The following PYCR2 variants were observed in gnomAD, a reference collection of about 807,000 sequenced individuals.
The protein encoded by PYCR2 is pyrroline-5-carboxylate reductase 2.
A neutral mutation model predicts 23.4 loss-of-function variants in PYCR2; 17 were observed. The observed-to-expected ratio is 0.73, with a 90% CI of 0.50 to 1.09. PYCR2 has a LOEUF of 1.09. Among genes scored for constraint, PYCR2 ranks in the 50% least tolerant of loss-of-function variants. The pLI is 0.00. For missense variants in PYCR2, 380 were observed against 423.5 expected (o/e 0.90, Z 0.90); for synonymous variants, 172 against 176.6 (o/e 0.97, Z 0.21).
chr1:225,920,574 G>T lies in PYCR2; in HGVS notation c.844C>A (p.Leu282Ile). ...ADQEKISPAALKKTLLDRVKL... is the reference protein window; with the variant it reads ...ADQEKISPAAIKKTLLDRVKL... The stretch of plus-strand genomic sequence containing the variant: ...ACTCTGTCTAAGAGGGTCTTCTTAA[G>T]GGCAGCTGGGGAGATCTTTTCTTGG... The change falls in exon 7 of 7, where the codon CTT becomes ATT. Residue 282 changes from leucine to isoleucine, a missense_variant. Coordinates refer to ENST00000343818, the MANE Select transcript of PYCR2 (RefSeq NM_013328.4). The T allele has an allele frequency of 1.2e-6, 2 of 1,612,470 alleles. No individual in the cohort carries two copies. The highest frequency in any genetic ancestry group is 1.7e-6 in the Non-Finnish European group (2 of 1,178,560).
chr1:225,923,882 T>A, intron 1 of PYCR2, 111 bp from the exon 2 acceptor site: 1 of 1,522,464 alleles, frequency 6.6e-7, no homozygotes. Flanking sequence ...CCTCTCCCCC[T>A]CAACCCTCTA....
chr1:225,923,461 C>G, intron 2 of PYCR2: 1 of 1,378,652 alleles, frequency 7.3e-7, no homozygotes, highest in African/African-American at 1.5e-5. Flanking sequence ...CACATAATCA[C>G]CTCAGTTAAT....
In PYCR2 at chr1:225,921,562, TG is replaced by T. The variant is rs761867220; in HGVS notation, c.622del (p.Gln208ArgfsTer38). The stretch of plus-strand genomic sequence containing the variant: ...GGGAAAGATACTGACCAGCAAAGCC[TG>T]GGCCCCGAGTTGGATTGCCAGGCGC... ...PRRLAIQLGA[Q>X]ALLGAAKMLL... On this transcript the variant is annotated frameshift_variant, in exon 5 of 7. Transcript: ENST00000343818. LOFTEE classifies it high-confidence loss of function. This position sits in a 1 kb window ranked among gnomAD's most constrained non-coding sequence, Gnocchi z 4.2. The T allele has an allele frequency of 1.9e-6, 3 of 1,614,074 alleles. No homozygotes were observed. The African/African-American group carries it at 4.0e-5, about 22-fold the overall frequency.
In PYCR2 at chr1:225,920,257, G is replaced by C; in HGVS notation, c.*198C>G. On this transcript the variant is annotated 3_prime_UTR_variant, in exon 7 of 7. Coordinates refer to ENST00000343818, the MANE Select transcript of PYCR2 (RefSeq NM_013328.4). ...CCCCTTCAGAGCAACTTCCAACATG[G>C]GACAGGAGAGGAAGCTCGCATTGCT... is the stretch of plus-strand genomic sequence containing the variant. 1 of 426,568 alleles carries C rather than the reference G, an allele frequency of 2.3e-6. No individual in the cohort carries two copies. The highest frequency in any genetic ancestry group is 4.0e-5 in the East Asian group (1 of 24,894). 26.4% of individuals were successfully genotyped at this position (426,568 alleles called of 1,614,324 possible).
chr1:225,923,112 G>T, intron 2 of PYCR2: 1 of 830,566 alleles, frequency 1.2e-6, no homozygotes, highest in Non-Finnish European at 1.5e-6. Context: ...CATACAACTC[G>T]TCTATTAAGA....
In PYCR2 at chr1:225,921,553, A is replaced by T. The variant is rs1289469285; in HGVS notation, c.632T>A (p.Leu211Gln). The change falls in exon 5 of 7, where the codon CTG becomes CAG. Residue 211 changes from leucine (L) to glutamine (Q), a missense_variant and splice_region_variant. Transcript: ENST00000343818. The surrounding 1 kb of genome is among the most constrained non-coding windows in gnomAD (Gnocchi z 4.2). ...AACATGCGGGGGAAAGATACTGACC[A>T]GCAAAGCCTGGGCCCCGAGTTGGAT... ...LAIQLGAQAL[L>Q]GAAKMLLDSE... The T allele has an allele frequency of 6.2e-7, 1 of 1,614,214 alleles. No homozygotes were observed. Among genetic ancestry groups the T allele is most frequent in the Admixed American group, 1.7e-5 (1 of 60,032 alleles).
chr1:225,923,851 C>A, intron 1 of PYCR2, 80 bp from the exon 2 acceptor site: 1 of 1,589,806 alleles, frequency 6.3e-7, no homozygotes. Flanking sequence ...AACCCAGAGC[C>A]GTCCTAACAG....
chr1:225,923,988 GC>G, intron 1 of PYCR2, 55 bp downstream of exon 1: 1 of 1,524,730 alleles, frequency 6.6e-7, no homozygotes, highest in Non-Finnish European at 8.8e-7. Flanking sequence ...TGGGACGGAG[GC>G]CCCCTCGGGC....
intron 1 of PYCR2, 51 bp from the exon 2 acceptor site, chr1:225,923,822 A>C (rs770913470): frequency 1.2e-6 from 2 of 1,611,654 alleles, no homozygotes; most frequent in Non-Finnish European, 8.5e-7. Context: ...GCCCGTTACC[A>C]CGCTTTCCCT....
chr1:225,920,828 T>C (rs1204130062), intron 6 of PYCR2, among the ~76,000 whole-genome samples: 1 of 152,154 alleles, frequency 6.6e-6, no homozygotes, highest in Admixed American at 6.5e-5. Flanking sequence ...CTTATTTATC[T>C]CATTTGATCA....
rs1260161162 is a variant in PYCR2, at chr1:225,924,010, C to A, written c.67+34G>T. Reference sequence around the variant, plus strand: ...GAGGCCCCCTCGGGCCTCGGGACCGCCCGCGAAGCCGCCTCCCGCCTCCAC... The same window carrying A: ...GAGGCCCCCTCGGGCCTCGGGACCGACCGCGAAGCCGCCTCCCGCCTCCAC... On this transcript the variant is annotated intron_variant, in intron 1 of 6. Coordinates refer to ENST00000343818, the MANE Select transcript of PYCR2 (RefSeq NM_013328.4). 3 of 1,514,968 alleles carry A rather than the reference C, an allele frequency of 2.0e-6. No individual in the cohort carries two copies. In the East Asian group the frequency reaches 7.6e-5, roughly 38 times the overall value. 93.8% of individuals were successfully genotyped at this position (1,514,968 alleles called of 1,614,324 possible).
chr1:225,923,372 A>T, intron 2 of PYCR2: 1 of 922,270 alleles, frequency 1.1e-6, no homozygotes, highest in Non-Finnish European at 1.4e-6. Flanking sequence ...AGCTTGGGCG[A>T]CAGAGTAAGA....
Position 225,920,456 on chromosome 1 carries a change from T to G in PYCR2, c.962A>C (p.Ter321SerextTer41). Residue 321 changes from the stop codon to serine, a stop_lost, in exon 7 of 7, where the codon TAA (stop) becomes TCA (serine). Coordinates refer to ENST00000343818, the MANE Select transcript of PYCR2 (RefSeq NM_013328.4). ...ATCACAGAGGGGACAGATGCTGCCT[T>G]AGTCCTTCTTGCCTCCCAGGGCCAG... ...RSLALGGKKD[*>S] The G allele has an allele frequency of 2.8e-6, 4 of 1,442,100 alleles. No homozygotes were observed. Among genetic ancestry groups the G allele is most frequent in the Non-Finnish European group, 3.8e-6 (4 of 1,063,452 alleles). 89.3% of individuals were successfully genotyped at this position (1,442,100 alleles called of 1,614,324 possible).
chr1:225,920,356 G>T lies in PYCR2; in HGVS notation c.*99C>A. The T allele has an allele frequency of 8.4e-7, 1 of 1,192,784 alleles. No homozygotes were observed. Among genetic ancestry groups the T allele is most frequent in the South Asian group, 1.8e-5 (1 of 56,398 alleles). 73.9% of individuals were successfully genotyped at this position (1,192,784 alleles called of 1,614,324 possible). ...CCTAAGCATGCTTTCTCCTTGCACA[G>T]CTGAGGAGGGGCAATGGTGGGAGCG... On this transcript the variant is annotated 3_prime_UTR_variant, in exon 7 of 7. Transcript: ENST00000343818.
rs892392404 is a variant in PYCR2 at position 225,920,626 on chromosome 1, G to A, written c.798-6C>T. ...CGGCCATGGACTGTAGCTCTCTGCA[G>A]ACAAAACCCCAGAAGGATTAAAGGA... On this transcript the variant is annotated splice_region_variant and splice_polypyrimidine_tract_variant and intron_variant, in intron 6 of 6. Coordinates refer to ENST00000343818, the MANE Select transcript of PYCR2 (RefSeq NM_013328.4). 3 of 1,613,008 alleles carry A rather than the reference G, an allele frequency of 1.9e-6. No individual in the cohort carries two copies. Among genetic ancestry groups the A allele is most frequent in the African/African-American group, 1.3e-5 (1 of 74,854 alleles).
chr1:225,920,532 T>C lies in PYCR2; in HGVS notation c.886A>G (p.Thr296Ala), dbSNP rs931771927. ...LLDRVKLESP[T>A]VSTLTPSSPG... ...CTGGAGGGGGTCAGTGTGGAGACTG[T>C]GGGGGATTCCAGCTTCACTCTGTCT... The change falls in exon 7 of 7, where the codon ACA (threonine) becomes GCA (alanine). Residue 296 changes from threonine (T) to alanine (A), a missense_variant. Thr to Ala is a moderately conservative substitution (Grantham distance 58). Transcript: ENST00000343818. 16 of 1,578,830 alleles carry C rather than the reference T, an allele frequency of 1.0e-5. No individual in the cohort carries two copies. The African/African-American group carries it at 2.2e-4, about 21-fold the overall frequency.
chr1:225,922,452 G>A, intron 2 of PYCR2, 69 bp from the exon 3 acceptor site: 1 of 1,534,106 alleles, frequency 6.5e-7, no homozygotes. Context: ...CCAGGGAGCA[G>A]CTGAACCCCT....
intron 2 of PYCR2, chr1:225,923,312 G>A: frequency 2.6e-6 from 1 of 383,512 alleles, no homozygotes; most frequent in Non-Finnish European, 3.7e-6. Context: ...GTGGGAGGCT[G>A]AGGTGGGAGG....
At position 225,921,909 on chromosome 1, in the gene PYCR2, T is replaced by C; in HGVS notation, c.489A>G (p.Glu163=). The C allele has an allele frequency of 6.2e-7, 1 of 1,613,792 alleles. No individual in the cohort carries two copies. The highest frequency in any genetic ancestry group is 8.5e-7 in the Non-Finnish European group (1 of 1,180,032). ...CCGTGACGGCATCGATGAGGTCCTC[T>C]TCCACCTCAGTGCAGAAGCCCACGC... ...MSSVGFCTEV[E]EDLIDAVTGL... Residue 163 remains glutamate (E), a synonymous_variant, in exon 4 of 7, where the codon GAA becomes GAG. Transcript: ENST00000343818. This position sits in a 1 kb window ranked among gnomAD's most constrained non-coding sequence, Gnocchi z 4.2.
Sources: gnomAD v4.1 joint callset for allele counts (sites outside exome capture counted in the v4.1 genomes callset) on GRCh38, gnomAD v4.1.1 for gene constraint, Gnocchi (gnomAD v3.1) non-coding constraint, MANE v1.5 for transcripts, NCBI Gene and HGNC (gene_info 2026-07-23, HGNC 2026-07-21) for gene names.